GALNT17: variants seen among roughly 807,000 people sequenced by gnomAD.
The protein encoded by GALNT17 is polypeptide N-acetylgalactosaminyltransferase 17.
In GALNT17, 29 loss-of-function variants were observed where a neutral mutation model predicts 63.7. The observed-to-expected ratio is 0.46, with a 90% CI of 0.34 to 0.62. The LOEUF (loss-of-function observed/expected upper bound fraction) is 0.62, where lower values mean the gene tolerates loss of function less well. GALNT17 is among the 20% of genes least tolerant of loss of function. The pLI is 0.01. For missense variants in GALNT17, 603 were observed against 799.6 expected (o/e 0.75, Z 2.97); for synonymous variants, 305 against 318.3 (o/e 0.96, Z 0.45).
At position 71,173,750 on chromosome 7, in the gene GALNT17, G is replaced by C. The variant is rs372587919; in HGVS notation, c.238+40710G>C. 2.0e-4 allele frequency among the ~76,000 whole-genome samples: 30 copies of C among 152,112 alleles called. 3 individuals carry two copies. The highest frequency in any genetic ancestry group is 1.2e-3 in the East Asian group (6 of 5,184). On this transcript the variant is annotated intron_variant, in intron 1 of 10. Coordinates refer to ENST00000333538, the MANE Select transcript of GALNT17 (RefSeq NM_022479.3). Reference sequence around the variant, plus strand: ...ATTGTGCCACTGCACTCCAGCTTGTGCGATAGGGCGAGACTCTGTCTCAAA... The same window carrying C: ...ATTGTGCCACTGCACTCCAGCTTGTCCGATAGGGCGAGACTCTGTCTCAAA...
chr7:71,632,914 G>A (rs185668769), intron 6 of GALNT17, among the ~76,000 whole-genome samples: 1 of 151,886 alleles, frequency 6.6e-6, no homozygotes, highest in South Asian at 2.1e-4. Flanking sequence ...GATCAGCATG[G>A]CCAACATAGC....
chr7:71,499,281 T>C (rs1226725717), intron 5 of GALNT17, among the ~76,000 whole-genome samples: 2 of 152,180 alleles, frequency 1.3e-5, no homozygotes, highest in Admixed American at 6.5e-5. Flanking sequence ...GTATTTTGCA[T>C]GAACCAATAA....
chr7:71,379,942 G>T (rs1792813596), intron 2 of GALNT17, among the ~76,000 whole-genome samples: 1 of 152,132 alleles, frequency 6.6e-6, no homozygotes, highest in Non-Finnish European at 1.5e-5. Flanking sequence ...TTAAAGGAAA[G>T]GGTAACCTGT....
At chr7:71,356,004 T>C (rs1366690493) in intron 2 of GALNT17, among the ~76,000 whole-genome samples, 2 of 151,632 alleles carry the variant, frequency 1.3e-5, no homozygotes, top group African/African-American at 2.4e-5. Flanking sequence ...TGAGACAGAG[T>C]CTTGCTCTGG....
intron 1 of GALNT17, among the ~76,000 whole-genome samples, chr7:71,154,361 G>T (rs1436097534): frequency 2.6e-5 from 4 of 152,146 alleles, no homozygotes; most frequent in Admixed American, 6.6e-5. Flanking sequence ...ACCAAGTTGG[G>T]CAGAGACGGG....
chr7:71,624,723 A>G (rs1429599087), intron 6 of GALNT17, among the ~76,000 whole-genome samples: 1 of 152,356 alleles, frequency 6.6e-6, no homozygotes, highest in East Asian at 1.9e-4. Context: ...ATCATTCAAA[A>G]GCAATAATAA....
chr7:71,165,947 G>A (rs1788432673), intron 1 of GALNT17, among the ~76,000 whole-genome samples: 1 of 133,002 alleles, frequency 7.5e-6, no homozygotes, highest in South Asian at 2.1e-4. Context: ...AGTGAAAGCT[G>A]CTCTTTTTTT....
chr7:71,653,151 G>A (rs1224990202), intron 6 of GALNT17, among the ~76,000 whole-genome samples: 1 of 152,076 alleles, frequency 6.6e-6, no homozygotes, highest in Non-Finnish European at 1.5e-5. Context: ...AAGTAGCTGG[G>A]ACTACAGGCA....
At position 71,601,134 on chromosome 7, in the gene GALNT17, CATATATATATG is replaced by C. The variant is rs1480422416; in HGVS notation, c.1080+29743_1080+29753del. On this transcript the variant is annotated intron_variant, in intron 6 of 10. Coordinates refer to ENST00000333538, the MANE Select transcript of GALNT17 (RefSeq NM_022479.3). ...GCGTAGTATTCCATCATATATATAT[CATATATATATG>C]ATATATATATCTACCACAGTTTCTT... 2.0e-5 allele frequency among the ~76,000 whole-genome samples: 3 copies of C among 151,626 alleles called. No individual in the cohort carries two copies. The East Asian group carries it at 5.8e-4, about 29-fold the overall frequency.
At chr7:71,681,148 A>T (rs767012549) in intron 9 of GALNT17, among the ~76,000 whole-genome samples, 30 of 152,102 alleles carry the variant, frequency 2.0e-4, no homozygotes, top group Admixed American at 1.9e-3. Context: ...GGATCCTCCC[A>T]CCTTGGCCTC....
intron 8 of GALNT17, 55 bp from the exon 9 acceptor site, chr7:71,677,156 A>T: frequency 6.3e-7 from 1 of 1,579,602 alleles, no homozygotes; most frequent in Non-Finnish European, 8.7e-7. Flanking sequence ...GTGACTCGGC[A>T]TCCACACCTC....
intron 5 of GALNT17, among the ~76,000 whole-genome samples, chr7:71,427,761 C>T (rs904753994): frequency 1.3e-4 from 20 of 152,082 alleles, no homozygotes; most frequent in African/African-American, 3.6e-4. Flanking sequence ...AAAGCTTCAT[C>T]TGTATTTACA....
chr7:71,198,153 G>C (rs1265157085), intron 1 of GALNT17, among the ~76,000 whole-genome samples: 1 of 147,274 alleles, frequency 6.8e-6, no homozygotes, highest in Non-Finnish European at 1.5e-5. Context: ...AGTTGAGATT[G>C]TGACATTGCA....
At chr7:71,688,642 C>T (rs1251847025) in intron 9 of GALNT17, among the ~76,000 whole-genome samples, 1 of 152,104 alleles carries the variant, frequency 6.6e-6, no homozygotes, top group Non-Finnish European at 1.5e-5. Flanking sequence ...TGAAATATTC[C>T]AAATATTCTG....
intron 6 of GALNT17, among the ~76,000 whole-genome samples, chr7:71,613,774 C>T (rs888452061): frequency 6.0e-5 from 9 of 150,198 alleles, no homozygotes; most frequent in East Asian, 3.9e-4. Flanking sequence ...GGAAACATAG[C>T]GAGACCCCAT....
chr7:71,218,064 C>T (rs951529766), intron 1 of GALNT17, among the ~76,000 whole-genome samples: 27 of 152,088 alleles, frequency 1.8e-4, no homozygotes, highest in African/African-American at 4.8e-4. Flanking sequence ...TATTGGCACA[C>T]GCAGAAATAA....
intron 1 of GALNT17, among the ~76,000 whole-genome samples, chr7:71,177,194 G>C (rs923296194): frequency 1.3e-5 from 2 of 152,074 alleles, no homozygotes; most frequent in African/African-American, 4.8e-5. Context: ...ATCTCTCTTG[G>C]TATCCAAATC....
intron 1 of GALNT17, among the ~76,000 whole-genome samples, chr7:71,181,705 T>C (rs910298706): frequency 1.5e-4 from 23 of 151,408 alleles, no homozygotes; most frequent in Admixed American, 1.3e-3. Context: ...CCCATCCCTA[T>C]AAAAAAGTAA....
chr7:71,486,733 T>A (rs1787916462), intron 5 of GALNT17, among the ~76,000 whole-genome samples: 1 of 151,398 alleles, frequency 6.6e-6, no homozygotes, highest in Non-Finnish European at 1.5e-5. Flanking sequence ...CATGGTGATA[T>A]GTGCCTGTAA....
Sources: allele counts gnomAD v4.1 joint callset (sites outside exome capture counted in the v4.1 genomes callset), GRCh38; gene constraint gnomAD v4.1.1; transcripts MANE v1.5; gene names NCBI Gene and HGNC (gene_info 2026-07-23, HGNC 2026-07-21).